The following NDUFS4 variants were observed in gnomAD, a reference collection of about 807,000 sequenced individuals.
The protein encoded by NDUFS4 is NADH dehydrogenase [ubiquinone] iron-sulfur protein 4, mitochondrial.
A neutral mutation model predicts 24.3 loss-of-function variants in NDUFS4; 28 were observed. The observed-to-expected ratio is 1.15, with a 90% CI of 0.85 to 1.58. The LOEUF is 1.58. NDUFS4 is among the 40% of genes most tolerant of loss of function. The probability of loss-of-function intolerance (pLI) is 0.00; values close to 1 mark genes in which losing one functional copy is unlikely to be tolerated. For synonymous variants in NDUFS4, 93 were observed against 69.7 expected, an observed-to-expected ratio of 1.34 and a Z score of -1.67; for missense variants, 223 against 207.9, an observed-to-expected ratio of 1.07 and a Z score of -0.45.
intron 2 of NDUFS4, among the ~76,000 whole-genome samples, chr5:53,614,297 A>G (rs1256442388): frequency 6.6e-6 from 1 of 151,928 alleles, no homozygotes; most frequent in East Asian, 1.9e-4. Flanking sequence ...TTTATGTAGT[A>G]TCAAGCTGTG....
intron 4 of NDUFS4, among the ~76,000 whole-genome samples, chr5:53,673,867 T>A (rs557573593): frequency 3.4e-4 from 52 of 152,300 alleles, no homozygotes; most frequent in Admixed American, 1.0e-3. Flanking sequence ...GCTATATGCA[T>A]TCCTTATACT....
intron 4 of NDUFS4, among the ~76,000 whole-genome samples, chr5:53,680,621 C>T (rs963336219): frequency 7.2e-5 from 11 of 151,888 alleles, no homozygotes; most frequent in African/African-American, 2.7e-4. Context: ...CACATGTTCT[C>T]ACTCATAGGT....
At chr5:53,639,079 T>C (rs956663603) in intron 2 of NDUFS4, among the ~76,000 whole-genome samples, 1 of 151,568 alleles carries the variant, frequency 6.6e-6, no homozygotes, top group Admixed American at 6.6e-5. Context: ...ACAGAATTAA[T>C]TTACTCTCTT....
At chr5:53,582,475 C>G (rs1749601652) in intron 1 of NDUFS4, among the ~76,000 whole-genome samples, 1 of 152,144 alleles carries the variant, frequency 6.6e-6, no homozygotes, top group Admixed American at 6.5e-5. Context: ...CATGCCAGTT[C>G]AGCTCACATG....
At chr5:53,667,338 G>T (rs537252946) in intron 4 of NDUFS4, among the ~76,000 whole-genome samples, 1 of 152,184 alleles carries the variant, frequency 6.6e-6, no homozygotes, top group Admixed American at 6.5e-5. Context: ...GGTGGCACAT[G>T]CCTGTAATCC....
rs916507252 is a variant in NDUFS4, at chr5:53,628,317, A to G, written c.178-17916A>G. Among the ~76,000 whole-genome samples the G allele has an allele frequency of 2.6e-5, 4 of 152,298 alleles. No individual in the cohort carries two copies. In the South Asian group the frequency reaches 6.2e-4, roughly 24 times the overall value. ...ATTGAGGATTTTTGCATCGATGTTC[A>G]TCATGGGTATTGGCATAACATTTTC... On this transcript the variant is annotated intron_variant, in intron 2 of 4. Transcript: ENST00000296684.
chr5:53,580,821 T>TTCTTC (rs1360855883), intron 1 of NDUFS4, among the ~76,000 whole-genome samples: 9 of 151,426 alleles, frequency 5.9e-5, no homozygotes, highest in Non-Finnish European at 1.2e-4. Context: ...TTCTTTTCTT[T>TTCTTC]TCTTCTTTCT....
At chr5:53,629,576 A>C (rs937208791) in intron 2 of NDUFS4, among the ~76,000 whole-genome samples, 1 of 152,178 alleles carries the variant, frequency 6.6e-6, no homozygotes, top group African/African-American at 2.4e-5. Flanking sequence ...TATTGTGTGC[A>C]TATACGTTTA....
chr5:53,611,535 G>T (rs1423038700), intron 2 of NDUFS4, among the ~76,000 whole-genome samples: 1 of 151,768 alleles, frequency 6.6e-6, no homozygotes, highest in East Asian at 1.9e-4. Context: ...AAGAGTAGAT[G>T]ACAGCATCTG....
intron 4 of NDUFS4, among the ~76,000 whole-genome samples, chr5:53,679,041 A>ATGAC (rs1199246705): frequency 6.6e-6 from 1 of 152,150 alleles, no homozygotes; most frequent in Admixed American, 6.6e-5. Flanking sequence ...TTTTATTATG[A>ATGAC]TGACAGCCCT....
chr5:53,597,293 C>G (rs1333769979), intron 1 of NDUFS4, among the ~76,000 whole-genome samples: 1 of 152,098 alleles, frequency 6.6e-6, no homozygotes, highest in African/African-American at 2.4e-5. Flanking sequence ...CAGATAGTTT[C>G]TTAAGGTCTG....
intron 1 of NDUFS4, among the ~76,000 whole-genome samples, chr5:53,564,929 A>C (rs1375309267): frequency 6.6e-6 from 1 of 152,184 alleles, no homozygotes; most frequent in Non-Finnish European, 1.5e-5. Context: ...AATGTTTTTC[A>C]TTTCTTTAAT....
chr5:53,671,396 A>AT (rs1282329045), intron 4 of NDUFS4, among the ~76,000 whole-genome samples: 2 of 152,006 alleles, frequency 1.3e-5, no homozygotes, highest in African/African-American at 4.8e-5. Context: ...CTATGACTTC[A>AT]TTTTCTCCCT....
chr5:53,633,637 T>C (rs72753648), intron 2 of NDUFS4, among the ~76,000 whole-genome samples: 14,085 of 152,232 alleles, frequency 0.093, 779 homozygotes, highest in Middle Eastern at 0.13. Flanking sequence ...ATAAAACTTA[T>C]ATTAAATAAA....
At chr5:53,665,241 G>A (rs557790238) in intron 4 of NDUFS4, among the ~76,000 whole-genome samples, 11 of 152,188 alleles carry the variant, frequency 7.2e-5, no homozygotes, top group African/African-American at 2.7e-4. Flanking sequence ...TGACCCTACT[G>A]GGGGGTGCCT....
chr5:53,566,729 C>G (rs900931011), intron 1 of NDUFS4, among the ~76,000 whole-genome samples: 38 of 152,112 alleles, frequency 2.5e-4, no homozygotes, highest in African/African-American at 9.2e-4. Flanking sequence ...CTTATGATAC[C>G]TAATACAATG....
chr5:53,638,035 A>G (rs997602657), intron 2 of NDUFS4, among the ~76,000 whole-genome samples: 6 of 152,164 alleles, frequency 3.9e-5, no homozygotes, highest in African/African-American at 1.2e-4. Flanking sequence ...GCAGTTGGCA[A>G]GGAAGTTCGG....
chr5:53,621,736 C>G (rs1226715883), intron 2 of NDUFS4, among the ~76,000 whole-genome samples: 3 of 111,368 alleles, frequency 2.7e-5, no homozygotes, highest in East Asian at 3.1e-4. Flanking sequence ...GAGTTTCGCT[C>G]TGTCGCCCAG....
chr5:53,561,026 G>C (rs1470729401), intron 1 of NDUFS4, among the ~76,000 whole-genome samples: 1 of 152,158 alleles, frequency 6.6e-6, no homozygotes, highest in African/African-American at 2.4e-5. Context: ...AGGGTCCGTG[G>C]AGGTTTTGCC....
Sources: gnomAD v4.1 joint callset for allele counts (sites outside exome capture counted in the v4.1 genomes callset) on GRCh38, gnomAD v4.1.1 for gene constraint, MANE v1.5 for transcripts, NCBI Gene and HGNC (gene_info 2026-07-23, HGNC 2026-07-21) for gene names.